DCAF6: variants seen among roughly 807,000 people sequenced by gnomAD.
DCAF6 encodes the protein DDB1- and CUL4-associated factor 6.
In DCAF6, 54 loss-of-function variants were observed where a neutral mutation model predicts 125.1. The observed-to-expected ratio is 0.43, with a 90% CI of 0.35 to 0.54. The LOEUF (loss-of-function observed/expected upper bound fraction) is 0.54, where lower values mean the gene tolerates loss of function less well. Ranked by LOEUF, DCAF6 falls within the 20% of genes least tolerant of loss-of-function variation. DCAF6 has a pLI of 0.01. For synonymous variants in DCAF6, 371 were observed against 390.4 expected (o/e 0.95, Z 0.58); for missense variants, 934 against 1,161.7 (o/e 0.80, Z 2.85).
At chr1:167,924,871 A>T in the DCAF6 span, among the ~76,000 whole-genome samples, 1 of 152,202 alleles carries the variant, frequency 6.6e-6, no homozygotes, top group Non-Finnish European at 1.5e-5. Flanking sequence ...TAACACTCTC[A>T]TCCCAAATGA....
chr1:168,021,142 C>A (rs1166300336), intron 11 of DCAF6, among the ~76,000 whole-genome samples: 1 of 152,024 alleles, frequency 6.6e-6, no homozygotes. Context: ...GTGACTTATT[C>A]TTTCTTAAAT....
chr1:167,999,765 T>C (rs1485259423), intron 7 of DCAF6, among the ~76,000 whole-genome samples: 1 of 152,190 alleles, frequency 6.6e-6, no homozygotes, highest in African/African-American at 2.4e-5. Flanking sequence ...AGGCTTTAGC[T>C]TAAGGGAATG....
chr1:168,057,502 T>C (rs1324582996), intron 17 of DCAF6, among the ~76,000 whole-genome samples: 2 of 152,212 alleles, frequency 1.3e-5, no homozygotes, highest in East Asian at 3.8e-4. Flanking sequence ...TTCTTCCAAA[T>C]AGAATAATAA....
At chr1:168,025,882 A>G (rs188612389) in intron 12 of DCAF6, among the ~76,000 whole-genome samples, 13 of 152,322 alleles carry the variant, frequency 8.5e-5, no homozygotes, top group African/African-American at 1.7e-4. Context: ...TACAAAACCT[A>G]CATGACTTGA....
At chr1:168,058,246 A>G (rs1023415948) in intron 17 of DCAF6, among the ~76,000 whole-genome samples, 1 of 152,120 alleles carries the variant, frequency 6.6e-6, no homozygotes, top group African/African-American at 2.4e-5. Flanking sequence ...GGTTATTTCT[A>G]GTTTTTGGTA....
the DCAF6 span, among the ~76,000 whole-genome samples, chr1:167,868,184 G>T: frequency 6.6e-6 from 1 of 152,084 alleles, no homozygotes; most frequent in South Asian, 2.1e-4. Context: ...TTTGCAATTA[G>T]CCGAGCATGT....
At chr1:167,880,229 A>G in the DCAF6 span, 1 of 1,556,264 alleles carries the variant, frequency 6.4e-7, no homozygotes, top group Non-Finnish European at 8.8e-7. Context: ...GGAAAGAAAT[A>G]AAGATAATGA....
chr1:168,065,502 A>T, intron 18 of DCAF6, 88 bp from the exon 19 acceptor site: 1 of 1,031,678 alleles, frequency 9.7e-7, no homozygotes, highest in Non-Finnish European at 1.4e-6. Flanking sequence ...TGTAAGAATT[A>T]AAACAAATAA....
At chr1:167,936,272 G>A (rs1015097790), upstream of DCAF6, 2 of 208,318 alleles carry the variant, frequency 9.6e-6, no homozygotes, top group East Asian at 1.4e-4. Context: ...TGTTGGAGAA[G>A]GGAAAGTGAA....
At chr1:167,980,916 C>CTTTTTGTTTTTTT (rs1679015109) in intron 4 of DCAF6, among the ~76,000 whole-genome samples, 1 of 113,570 alleles carries the variant, frequency 8.8e-6, no homozygotes, top group Non-Finnish European at 1.8e-5. Context: ...TCTGAATTTT[C>CTTTTTGTTTTTTT]TTTTTTTTTT....
chr1:168,055,931 A>G, intron 17 of DCAF6: 1 of 1,567,878 alleles, frequency 6.4e-7, no homozygotes, highest in Non-Finnish European at 8.8e-7. Context: ...TGTATTTCTC[A>G]TATGCTTCTT....
chr1:167,901,618 C>T, the DCAF6 span: 1 of 1,597,150 alleles, frequency 6.3e-7, no homozygotes, highest in Non-Finnish European at 8.6e-7. Flanking sequence ...GAGTCAAGAC[C>T]CTATCCCAGC....
At chr1:168,070,500 G>A (rs997089389) in intron 21 of DCAF6, among the ~76,000 whole-genome samples, 4 of 152,022 alleles carry the variant, frequency 2.6e-5, no homozygotes, top group Non-Finnish European at 2.9e-5. Context: ...GAATAGATAC[G>A]GACAGTTTCT....
chr1:168,066,539 A>G (rs1276985980), intron 20 of DCAF6, 74 bp downstream of exon 20: 3 of 1,044,312 alleles, frequency 2.9e-6, no homozygotes, highest in Non-Finnish European at 4.3e-6. Context: ...GAAAAATTAA[A>G]AGTTATTAGT....
intron 4 of DCAF6, among the ~76,000 whole-genome samples, chr1:167,978,809 C>T (rs1488712149): frequency 6.6e-6 from 1 of 152,044 alleles, no homozygotes; most frequent in Non-Finnish European, 1.5e-5. Context: ...GCATGCACTA[C>T]TGCACCTGGG....
chr1:167,969,903 A>T (rs1044317487), intron 3 of DCAF6, among the ~76,000 whole-genome samples: 1 of 152,116 alleles, frequency 6.6e-6, no homozygotes, highest in African/African-American at 2.4e-5. Flanking sequence ...CAGCCTTCCA[A>T]ATAGCTGAGG....
chr1:167,999,625 T>A (rs1682294305), intron 7 of DCAF6, among the ~76,000 whole-genome samples: 1 of 152,212 alleles, frequency 6.6e-6, no homozygotes, highest in Non-Finnish European at 1.5e-5. Context: ...ACTTTTATGT[T>A]ACAGAAAGAC....
chr1:167,964,016 A>G (rs190423728), intron 2 of DCAF6, among the ~76,000 whole-genome samples: 9 of 152,364 alleles, frequency 5.9e-5, no homozygotes, highest in Non-Finnish European at 5.9e-5. Context: ...TGTGCTAGAT[A>G]TAAGCATAGA....
intron 12 of DCAF6, among the ~76,000 whole-genome samples, chr1:168,031,895 C>A (rs1324617228): frequency 6.6e-6 from 1 of 152,162 alleles, no homozygotes. Flanking sequence ...TATAAAACTA[C>A]TGGTTCTGAA....
Sources: allele counts gnomAD v4.1 joint callset (sites outside exome capture counted in the v4.1 genomes callset), GRCh38; gene constraint gnomAD v4.1.1; transcripts MANE v1.5; gene names NCBI Gene and HGNC (gene_info 2026-07-23, HGNC 2026-07-21).